Variants in MAN1A1 observed in about 807,000 individuals in gnomAD.
MAN1A1 encodes the protein mannosidase alpha class 1A member 1.
Under a neutral mutation model 70.8 loss-of-function variants are expected in MAN1A1, and 29 were observed. The ratio of observed to expected loss-of-function variants is 0.41; its 90% CI spans 0.31 to 0.56. MAN1A1 has a LOEUF of 0.56. Among genes scored for constraint, MAN1A1 ranks in the 20% least tolerant of loss-of-function variants. The pLI is 0.29. For missense variants in MAN1A1, 747 were observed against 841.3 expected, an observed-to-expected ratio of 0.89 and a Z score of 1.39; for synonymous variants, 349 against 330.1, an observed-to-expected ratio of 1.06 and a Z score of -0.62.
intron 4 of MAN1A1, among the ~76,000 whole-genome samples, chr6:119,293,438 C>A (rs868244929): frequency 1.3e-5 from 2 of 152,024 alleles, no homozygotes; most frequent in Admixed American, 1.3e-4. Flanking sequence ...GTCCAGTGAG[C>A]CTGTTTAAGA....
At chr6:119,247,934 G>T (rs1469044476) in intron 6 of MAN1A1, among the ~76,000 whole-genome samples, 2 of 152,200 alleles carry the variant, frequency 1.3e-5, no homozygotes, top group Non-Finnish European at 2.9e-5. Context: ...ATGCTTTGAT[G>T]ACAATTAAAA....
At chr6:119,192,970 ACT>A (rs1424205879) in intron 9 of MAN1A1, among the ~76,000 whole-genome samples, 1 of 152,204 alleles carries the variant, frequency 6.6e-6, no homozygotes, top group Non-Finnish European at 1.5e-5. Flanking sequence ...TACCTTACTA[ACT>A]TACTGCTTGC....
At chr6:119,341,843 T>C (rs762540653) in intron 2 of MAN1A1, among the ~76,000 whole-genome samples, 92 of 152,196 alleles carry the variant, frequency 6.0e-4, no homozygotes, top group Admixed American at 1.3e-4. Context: ...AGCCAAGGCA[T>C]GGTGGCTCAC....
At chr6:119,257,726 A>G (rs917930006) in intron 5 of MAN1A1, among the ~76,000 whole-genome samples, 4 of 152,024 alleles carry the variant, frequency 2.6e-5, no homozygotes, top group African/African-American at 9.7e-5. Flanking sequence ...AGGAAACCCA[A>G]TGGCTATACA....
intron 2 of MAN1A1, among the ~76,000 whole-genome samples, chr6:119,335,430 T>C (rs1773426980): frequency 6.6e-6 from 1 of 152,268 alleles, no homozygotes; most frequent in African/African-American, 2.4e-5. Flanking sequence ...GTGTTTCTAC[T>C]CTGCCATACT....
intron 5 of MAN1A1, among the ~76,000 whole-genome samples, chr6:119,281,403 G>A (rs1582763768): frequency 1.3e-5 from 2 of 152,162 alleles, no homozygotes; most frequent in South Asian, 4.1e-4. Flanking sequence ...ACCCCTTTAA[G>A]TTGTAGTGGC....
chr6:119,278,498 T>C (rs1364812670), intron 5 of MAN1A1, among the ~76,000 whole-genome samples: 1 of 152,222 alleles, frequency 6.6e-6, no homozygotes, highest in Non-Finnish European at 1.5e-5. Flanking sequence ...ATGAATTTTA[T>C]AGAAAGTGTT....
intron 6 of MAN1A1, among the ~76,000 whole-genome samples, chr6:119,237,546 TCCTCTC>T (rs1049862060): frequency 7.3e-4 from 111 of 152,178 alleles, no homozygotes; most frequent in African/African-American, 2.0e-3. Context: ...TCTTTTCTTC[TCCTCTC>T]CCTCTCCCTC....
chr6:119,280,459 C>G (rs9489660), intron 5 of MAN1A1, among the ~76,000 whole-genome samples: 1,809 of 152,298 alleles, frequency 0.012, 39 homozygotes, highest in African/African-American at 0.042. Flanking sequence ...TTCTCTTATT[C>G]ACTGTTGTTT....
At position 119,348,795 on chromosome 6, in the gene MAN1A1, C is replaced by A; in HGVS notation, c.271G>T (p.Gly91Trp). 7.0e-7 allele frequency: 1 copy of A among 1,423,284 alleles called. No homozygotes were observed. The highest frequency in any genetic ancestry group is 9.2e-7 in the Non-Finnish European group (1 of 1,085,150). The allele number at this position is 1,423,284 out of a possible 1,614,324, so 88.2% of individuals were successfully genotyped here. Residue 91 changes from glycine to tryptophan, a missense_variant, in exon 2 of 13, where the codon GGG becomes TGG. By Grantham distance (184) the Gly-to-Trp change is radical (BLOSUM62 -2). Coordinates refer to ENST00000368468, the MANE Select transcript of MAN1A1 (RefSeq NM_005907.4). ...QPAADHKPGP[G>W]ARAEDAAEGR... The stretch of plus-strand genomic sequence containing the variant: ...TCGGCCGCGTCCTCGGCGCGCGCCC[C>A]GGGCCCGGGCTTGTGGTCGGCGGCC...
intron 6 of MAN1A1, among the ~76,000 whole-genome samples, chr6:119,229,602 G>A (rs1774619743): frequency 6.6e-6 from 1 of 152,104 alleles, no homozygotes; most frequent in South Asian, 2.1e-4. Context: ...AAAATCAATG[G>A]CATCCACTTA....
intron 3 of MAN1A1, among the ~76,000 whole-genome samples, chr6:119,303,612 A>C (rs1424975606): frequency 2.6e-5 from 4 of 152,140 alleles, no homozygotes; most frequent in African/African-American, 9.7e-5. Flanking sequence ...ACTTGGATCT[A>C]ATATGTGCTT....
At chr6:119,218,505 C>G (rs543639743) in intron 6 of MAN1A1, among the ~76,000 whole-genome samples, 1 of 152,054 alleles carries the variant, frequency 6.6e-6, no homozygotes, top group East Asian at 1.9e-4. Flanking sequence ...AAATATTAAA[C>G]CACCGAAGAT....
chr6:119,298,458 G>T (rs1008565129), intron 4 of MAN1A1, among the ~76,000 whole-genome samples: 2 of 152,022 alleles, frequency 1.3e-5, no homozygotes, highest in Admixed American at 1.3e-4. Context: ...ATATAAATTG[G>T]ATATTTCACA....
intron 5 of MAN1A1, among the ~76,000 whole-genome samples, chr6:119,276,387 A>G (rs549788382): frequency 1.3e-5 from 2 of 152,324 alleles, no homozygotes; most frequent in Admixed American, 1.3e-4. Flanking sequence ...TCCTCCAGAG[A>G]CTAGAACATG....
chr6:119,300,650 C>T (rs1238720525), intron 4 of MAN1A1, among the ~76,000 whole-genome samples: 2 of 152,154 alleles, frequency 1.3e-5, no homozygotes, highest in East Asian at 1.9e-4. Context: ...ATCAGCACTA[C>T]CACAGGTCAT....
chr6:119,188,020 C>G (rs1773340646), intron 11 of MAN1A1, among the ~76,000 whole-genome samples: 1 of 152,156 alleles, frequency 6.6e-6, no homozygotes, highest in South Asian at 2.1e-4. Context: ...CATATACTAG[C>G]ATTTTAAAGC....
intron 2 of MAN1A1, among the ~76,000 whole-genome samples, chr6:119,316,525 T>TA (rs1490793666): frequency 6.6e-6 from 1 of 152,128 alleles, no homozygotes; most frequent in African/African-American, 2.4e-5. Context: ...TAAGGAGAGC[T>TA]AAAAAAGTGT....
At chr6:119,234,733 A>C (rs1176896403) in intron 6 of MAN1A1, among the ~76,000 whole-genome samples, 5 of 152,178 alleles carry the variant, frequency 3.3e-5, no homozygotes, top group African/African-American at 1.2e-4. Flanking sequence ...CTACATATTA[A>C]AAATTATACA....
Sources: allele counts gnomAD v4.1 joint callset (sites outside exome capture counted in the v4.1 genomes callset), GRCh38; gene constraint gnomAD v4.1.1; transcripts MANE v1.5; gene names NCBI Gene and HGNC (gene_info 2026-07-23, HGNC 2026-07-21).